DIXDC1: variants seen among roughly 807,000 people sequenced by gnomAD.
DIXDC1 encodes the protein DIX domain containing 1, also known as dixin.
Under a neutral mutation model 103.1 loss-of-function variants are expected in DIXDC1, and 64 were observed. The observed-to-expected ratio is 0.62, with a 90% CI of 0.51 to 0.76. The LOEUF is 0.76. Among genes scored for constraint, DIXDC1 ranks in the 30% least tolerant of loss-of-function variants. DIXDC1 has a pLI of 0.00. For synonymous variants in DIXDC1, 266 were observed against 298.5 expected, an observed-to-expected ratio of 0.89 and a Z score of 1.12; for missense variants, 759 against 834.2, an observed-to-expected ratio of 0.91 and a Z score of 1.11.
chr11:111,975,446 T>C (rs1860066002), intron 5 of DIXDC1: 1 of 1,008,098 alleles, frequency 9.9e-7, no homozygotes. Context: ...AACTTTCCTC[T>C]ACAGGAACTG....
At position 111,976,510 on chromosome 11, in the gene DIXDC1, T is replaced by A. The variant is rs943100573; in HGVS notation, c.656+1527T>A. On this transcript the variant is annotated intron_variant, in intron 5 of 19. Transcript: ENST00000440460. The surrounding 1 kb of genome is among the most constrained non-coding windows in gnomAD (Gnocchi z 4.3). ...CCCCTCATCCAGCTCTTTGGCATGC[T>A]GGGTTAGTAGCTGCCTTTTCCTCAG... Among the ~76,000 whole-genome samples, 2 of 152,180 alleles carry A rather than the reference T, an allele frequency of 1.3e-5. No individual in the cohort carries two copies. The highest frequency in any genetic ancestry group is 2.9e-5 in the Non-Finnish European group (2 of 68,024).
At chr11:111,941,822 C>T (rs1369894058) in intron 1 of DIXDC1, among the ~76,000 whole-genome samples, 1 of 141,452 alleles carries the variant, frequency 7.1e-6, no homozygotes, top group East Asian at 2.4e-4. Context: ...TGTCTCAAAA[C>T]AAAACGAAAC....
chr11:111,975,005 T>G, intron 5 of DIXDC1, 22 bp downstream of exon 5: 1 of 1,601,070 alleles, frequency 6.2e-7, no homozygotes, highest in Non-Finnish European at 8.5e-7. Context: ...CTCTGAAACC[T>G]GAATTCTGGA....
chr11:111,977,131 C>T lies in DIXDC1; in HGVS notation c.656+2148C>T. 1 of 386,160 alleles carries T rather than the reference C, an allele frequency of 2.6e-6. No homozygotes were observed. The allele number at this position is 386,160 out of a possible 1,614,324, so 23.9% of individuals were successfully genotyped here. The stretch of plus-strand genomic sequence containing the variant: ...CCCAATCTCCTCTCCTCGCATCCCC[C>T]AACCCCTCGTCGACGTCCCCACCCC... On this transcript the variant is annotated intron_variant, in intron 5 of 19. Coordinates refer to ENST00000440460, the MANE Select transcript of DIXDC1 (RefSeq NM_001037954.4). The surrounding 1 kb of genome is among the most constrained non-coding windows in gnomAD (Gnocchi z 6.1).
chr11:112,004,174 G>T (rs1252924357), intron 17 of DIXDC1, among the ~76,000 whole-genome samples: 1 of 151,318 alleles, frequency 6.6e-6, no homozygotes, highest in African/African-American at 2.4e-5. Context: ...ACGTAGAACT[G>T]ATATGTATCA....
At chr11:111,973,881 A>C (rs1233160635) in intron 3 of DIXDC1, 142 bp from the exon 4 acceptor site, 3 of 689,452 alleles carry the variant, frequency 4.4e-6, no homozygotes, top group Non-Finnish European at 4.9e-6. Context: ...CTTGTTGCCC[A>C]GAGCTTTGTG....
At chr11:111,964,446 G>A in intron 1 of DIXDC1, 103 bp from the exon 2 acceptor site, 1 of 1,357,016 alleles carries the variant, frequency 7.4e-7, no homozygotes, top group Non-Finnish European at 1.0e-6. Flanking sequence ...CTGGATATGG[G>A]TTGTTTATTA....
At chr11:111,994,221 T>G (rs1183953179) in intron 14 of DIXDC1, among the ~76,000 whole-genome samples, 1 of 152,028 alleles carries the variant, frequency 6.6e-6, no homozygotes, top group Non-Finnish European at 1.5e-5. Context: ...ACCTCGTCTC[T>G]ACTAAAAATT....
intron 5 of DIXDC1, among the ~76,000 whole-genome samples, chr11:111,978,907 A>C (rs960909477): frequency 1.3e-5 from 2 of 152,228 alleles, no homozygotes; most frequent in African/African-American, 4.8e-5. Context: ...TGTGAATGAC[A>C]TAGTACACTT....
At chr11:111,979,016 A>G (rs1461169235) in intron 5 of DIXDC1, among the ~76,000 whole-genome samples, 1 of 152,194 alleles carries the variant, frequency 6.6e-6, no homozygotes, top group African/African-American at 2.4e-5. Flanking sequence ...AGCAATTGCT[A>G]TTTCGGAATA....
intron 1 of DIXDC1, among the ~76,000 whole-genome samples, chr11:111,940,008 A>C (rs983451285): frequency 2.0e-5 from 3 of 152,188 alleles, no homozygotes; most frequent in Non-Finnish European, 4.4e-5. Context: ...GATGCCTTAT[A>C]GGTCTGTGTA....
chr11:111,954,791 A>C (rs1966875283), intron 1 of DIXDC1, among the ~76,000 whole-genome samples: 1 of 152,154 alleles, frequency 6.6e-6, no homozygotes, highest in African/African-American at 2.4e-5. Context: ...CAGTTTTCTC[A>C]GGAGAAAGGA....
In DIXDC1 at chr11:111,943,091, ACTACT is replaced by A. The variant is rs145297897; in HGVS notation, c.60+5534_60+5538del. On this transcript the variant is annotated intron_variant, in intron 1 of 19. Coordinates refer to ENST00000440460, the MANE Select transcript of DIXDC1 (RefSeq NM_001037954.4). ...GTGGGATGGCACAAGATTTCATCAC[ACTACT>A]CAGAGTGTTGGACAATTTATTTATT... Among the ~76,000 whole-genome samples the A allele has an allele frequency of 4.4e-3, 672 of 152,292 alleles. 3 individuals are homozygous for A. Among genetic ancestry groups the A allele is most frequent in the African/African-American group, 0.015 (638 of 41,554 alleles).
In DIXDC1 at chr11:111,968,650, A is replaced by G. The variant is rs1555171799; in HGVS notation, c.316+12A>G. On this transcript the variant is annotated intron_variant, in intron 3 of 19. Transcript: ENST00000440460. ...GACTTCGGCTAAAGGTCAGTGCCTC[A>G]TCACATCCTTGGTGCATGAGTATAC... 6.2e-7 allele frequency: 1 copy of G among 1,603,626 alleles called. No individual in the cohort carries two copies. Among genetic ancestry groups the G allele is most frequent in the Non-Finnish European group, 8.5e-7 (1 of 1,174,764 alleles).
At chr11:111,988,934 G>C in intron 9 of DIXDC1, 71 bp from the exon 10 acceptor site, 2 of 1,344,850 alleles carry the variant, frequency 1.5e-6, no homozygotes, top group Non-Finnish European at 2.1e-6. Context: ...TCCTCTTGCC[G>C]ACAGAATGAG....
intron 17 of DIXDC1, among the ~76,000 whole-genome samples, chr11:112,008,694 T>C (rs941947460): frequency 1.3e-5 from 2 of 152,186 alleles, no homozygotes; most frequent in Non-Finnish European, 2.9e-5. Flanking sequence ...AACAACCTGC[T>C]CCTGAATGAC....
At chr11:111,969,709 A>T (rs782416627) in intron 3 of DIXDC1, among the ~76,000 whole-genome samples, 17 of 152,152 alleles carry the variant, frequency 1.1e-4, no homozygotes, top group Admixed American at 1.1e-3. Flanking sequence ...TCTCATGACA[A>T]TAGGGGCAGA....
chr11:111,966,455 G>C (rs1268470474), intron 2 of DIXDC1, among the ~76,000 whole-genome samples: 3 of 148,010 alleles, frequency 2.0e-5, no homozygotes, highest in African/African-American at 7.5e-5. Flanking sequence ...CCAGGCGGGA[G>C]TGCAGTGGCG....
At chr11:111,978,303 G>A (rs782500868) in intron 5 of DIXDC1, among the ~76,000 whole-genome samples, 5 of 152,174 alleles carry the variant, frequency 3.3e-5, no homozygotes, top group Non-Finnish European at 7.3e-5. Flanking sequence ...TAATTAATTA[G>A]CATTAAAATA....
Sources: allele counts gnomAD v4.1 joint callset (sites outside exome capture counted in the v4.1 genomes callset), GRCh38; gene constraint gnomAD v4.1.1; non-coding constraint Gnocchi (gnomAD v3.1); transcripts MANE v1.5; gene names NCBI Gene and HGNC (gene_info 2026-07-23, HGNC 2026-07-21).